Variants in ATP11C observed in about 807,000 individuals in gnomAD.
The protein encoded by ATP11C is ATPase phospholipid transporting 11C (ATP11C blood group).
Under a neutral mutation model 97.4 loss-of-function variants are expected in ATP11C, and 36 were observed. The ratio of observed to expected loss-of-function variants is 0.37; its 90% CI spans 0.28 to 0.49. The LOEUF is 0.49. ATP11C is among the 20% of genes least tolerant of loss of function. The pLI is 0.98. For synonymous variants in ATP11C, 275 were observed against 290.9 expected (o/e 0.95, Z 0.56); for missense variants, 730 against 824.6 (o/e 0.89, Z 1.40).
intron 1 of ATP11C, among the ~76,000 whole-genome samples, chrX:139,919,221 C>T (rs940999521): frequency 9.1e-6 from 1 of 109,507 alleles, no homozygotes; most frequent in African/African-American, 3.3e-5. Flanking sequence ...CCAGCCGGGG[C>T]GACAGAGCAA....
At chrX:139,802,375 A>G (rs371400407) in intron 6 of ATP11C, 36 bp from the exon 7 acceptor site, 4 of 995,191 alleles carry the variant, frequency 4.0e-6, no homozygotes, top group South Asian at 2.0e-5. Context: ...AAAACCAAAA[A>G]AACTTTCTTT....
intron 1 of ATP11C, among the ~76,000 whole-genome samples, chrX:139,878,242 CA>C (rs2084507959): frequency 9.0e-6 from 1 of 111,159 alleles, no homozygotes; most frequent in Admixed American, 9.6e-5. Context: ...AAGCTTAGCA[CA>C]ATGTCTGGCA....
chrX:139,815,991 A>G (rs1181318686), intron 4 of ATP11C, among the ~76,000 whole-genome samples: 2 of 111,707 alleles, frequency 1.8e-5, no homozygotes, highest in Non-Finnish European at 3.8e-5. Context: ...CAGCAATTTT[A>G]TGATGTTAAA....
chrX:139,772,603 A>G (rs1357110121), intron 19 of ATP11C, among the ~76,000 whole-genome samples: 1 of 111,839 alleles, frequency 8.9e-6, no homozygotes, highest in Non-Finnish European at 1.9e-5. Context: ...ATGGGAACCC[A>G]CCTCTTGCAT....
At chrX:139,918,515 G>A (rs1451229053) in intron 1 of ATP11C, among the ~76,000 whole-genome samples, 4 of 100,308 alleles carry the variant, frequency 4.0e-5, no homozygotes, top group Admixed American at 2.2e-4. Context: ...CCAGCTACTC[G>A]GGAGGCTGAG....
In ATP11C at chrX:139,932,815, C is replaced by CT. The variant is rs1418711414; in HGVS notation, c.-774dup. On this transcript the variant is annotated 5_prime_UTR_variant, in exon 1 of 30. Transcript: ENST00000682941. ...CTTCCGGGCGTGGTGGAGCCGGGCTCTGAGGCAGGGCACCGTGAAGACCCC... is the reference window on the plus strand; with the variant it reads ...CTTCCGGGCGTGGTGGAGCCGGGCTCTTGAGGCAGGGCACCGTGAAGACCCC... 1 of 111,873 alleles carries CT rather than the reference C, an allele frequency of 8.9e-6. No individual in the cohort carries two copies. Among genetic ancestry groups the CT allele is most frequent in the East Asian group, 2.9e-4 (1 of 3,443 alleles). The allele number at this position is 111,873 out of a possible 1,213,427, so 9.2% of individuals were successfully genotyped here.
intron 28 of ATP11C, chrX:139,732,475 A>G (rs779064479): frequency 2.7e-6 from 1 of 369,954 alleles, no homozygotes; most frequent in Non-Finnish European, 5.3e-6. Flanking sequence ...TGGAAGTTTG[A>G]GAAAGCATGA....
At chrX:139,861,098 G>T (rs968457115) in intron 1 of ATP11C, among the ~76,000 whole-genome samples, 5 of 112,006 alleles carry the variant, frequency 4.5e-5, no homozygotes, top group Non-Finnish European at 5.6e-5. Flanking sequence ...CACAGAATAT[G>T]GGACTGTGAT....
rs2082179845 is a variant in ATP11C, at chrX:139,768,370, T to C, written c.2281A>G (p.Asn761Asp). Residue 761 changes from asparagine (N) to aspartate (D), a missense_variant, in exon 20 of 30, where the codon AAT becomes GAT. Asn to Asp is a conservative substitution (Grantham distance 23, BLOSUM62 1). Coordinates refer to ENST00000682941, the MANE Select transcript of ATP11C (RefSeq NM_001353812.2). ...TTTGAACTAGAGTCTTGACTAGAAT[T>C]TAGTATGAGTGACAATGTGGAGCCA... is the stretch of plus-strand genomic sequence containing the variant. ...IDGSTLSLIL[N>D]SSQDSSSNNY... The C allele has an allele frequency of 8.5e-7, 1 of 1,170,948 alleles. No homozygotes were observed. Among genetic ancestry groups the C allele is most frequent in the Non-Finnish European group, 1.1e-6 (1 of 872,147 alleles).
intron 1 of ATP11C, among the ~76,000 whole-genome samples, chrX:139,858,992 A>C (rs1424074472): frequency 8.9e-6 from 1 of 112,734 alleles, no homozygotes; most frequent in Non-Finnish European, 1.9e-5. Context: ...TTAGTACTTT[A>C]CTTTGATTTT....
At chrX:139,755,981 C>T (rs1351736005) in intron 23 of ATP11C, among the ~76,000 whole-genome samples, 2 of 112,167 alleles carry the variant, frequency 1.8e-5, no homozygotes, top group African/African-American at 6.5e-5. Flanking sequence ...CAAATGTTAC[C>T]TAATTAAATA....
intron 4 of ATP11C, among the ~76,000 whole-genome samples, chrX:139,815,230 A>G (rs2083261388): frequency 8.9e-6 from 1 of 112,311 alleles, no homozygotes; most frequent in African/African-American, 3.2e-5. Flanking sequence ...CATTAATGAA[A>G]ACACAAGCAC....
chrX:139,804,172 C>A (rs925112608), intron 6 of ATP11C, among the ~76,000 whole-genome samples: 2 of 110,749 alleles, frequency 1.8e-5, no homozygotes, highest in Admixed American at 9.6e-5. Context: ...ATGATTACTC[C>A]CATTTTAGAG....
chrX:139,757,129 T>C (rs1345676969), intron 23 of ATP11C, among the ~76,000 whole-genome samples: 1 of 111,052 alleles, frequency 9.0e-6, no homozygotes, highest in Non-Finnish European at 1.9e-5. Flanking sequence ...TTAACACCTA[T>C]GGCAATGTGG....
chrX:139,747,463 G>A (rs1008823933), intron 24 of ATP11C, among the ~76,000 whole-genome samples: 1 of 111,179 alleles, frequency 9.0e-6, no homozygotes, highest in Non-Finnish European at 1.9e-5. Context: ...CAAGATCTGG[G>A]GAGAGGTTGA....
chrX:139,842,750 T>C (rs1480342050), intron 1 of ATP11C, among the ~76,000 whole-genome samples: 1 of 112,196 alleles, frequency 8.9e-6, no homozygotes, highest in Admixed American at 9.5e-5. Flanking sequence ...TGATCTAGAA[T>C]ACGATCAAAT....
chrX:139,917,366 T>C (rs2085170325), intron 1 of ATP11C, among the ~76,000 whole-genome samples: 1 of 111,662 alleles, frequency 9.0e-6, no homozygotes, highest in South Asian at 3.7e-4. Context: ...CTTCTGTTCA[T>C]CAAAGTAAGT....
chrX:139,746,610 G>A (rs1329399425), intron 24 of ATP11C, among the ~76,000 whole-genome samples: 1 of 111,404 alleles, frequency 9.0e-6, no homozygotes, highest in African/African-American at 3.3e-5. Flanking sequence ...TAGGTCTTAC[G>A]GTGCCCTTTA....
chrX:139,916,373 T>G (rs1424717414), intron 1 of ATP11C, among the ~76,000 whole-genome samples: 1 of 111,659 alleles, frequency 9.0e-6, no homozygotes, highest in African/African-American at 3.3e-5. Context: ...GAGCACATAT[T>G]ATGTCAGGCA....
Sources: gnomAD v4.1 joint callset for allele counts (sites outside exome capture counted in the v4.1 genomes callset) on GRCh38, gnomAD v4.1.1 for gene constraint, MANE v1.5 for transcripts, NCBI Gene and HGNC (gene_info 2026-07-23, HGNC 2026-07-21) for gene names.